Variants in TEF observed in about 807,000 individuals in gnomAD.
The protein encoded by TEF is thyrotroph embryonic factor.
Under a neutral mutation model 20.8 loss-of-function variants are expected in TEF, and 3 were observed. The ratio of observed to expected loss-of-function variants is 0.14; its 90% confidence interval spans 0.07 to 0.37. TEF has a LOEUF of 0.37. Among genes scored for constraint, TEF ranks in the 10% least tolerant of loss-of-function variants. The pLI, the probability that TEF is intolerant of heterozygous loss-of-function variation, is 1.00. For synonymous variants in TEF, 180 were observed against 171.1 expected, an observed-to-expected ratio of 1.05 and a Z score of -0.41; for missense variants, 296 against 397.9, an observed-to-expected ratio of 0.74 and a Z score of 2.18.
intron 1 of TEF, among the ~76,000 whole-genome samples, chr22:41,374,608 C>G (rs777239942): frequency 6.6e-6 from 1 of 151,060 alleles, no homozygotes; most frequent in African/African-American, 2.4e-5. Flanking sequence ...CCGAGCTACT[C>G]TGGAGGCTGG....
upstream of TEF, chr22:41,381,930 T>C (rs960606929): frequency 8.2e-6 from 10 of 1,223,888 alleles, no homozygotes; most frequent in African/African-American, 1.1e-4. Context: ...GGGGGCGCCA[T>C]TGGGCGCCTG....
chr22:41,375,606 C>T (rs967617608), intron 1 of TEF, among the ~76,000 whole-genome samples: 26 of 151,950 alleles, frequency 1.7e-4, no homozygotes, highest in Admixed American at 1.6e-3. Flanking sequence ...AAAAAATTAG[C>T]CGGGCTACTT....
intron 1 of TEF, among the ~76,000 whole-genome samples, chr22:41,370,282 T>C (rs1454668182): frequency 6.6e-6 from 1 of 151,102 alleles, no homozygotes; most frequent in Non-Finnish European, 1.5e-5. Flanking sequence ...GCCAGGCTAA[T>C]TTTTGTATTT....
rs1202657752 is a variant in TEF at position 41,394,159 on chromosome 22, A to T, written c.539A>T (p.Asp180Val). ...ATCGACCCCAATTGTGTGGAAGTGG[A>T]TGTGAACTTCAATCCGGACCCCGCC... ...SPIDPNCVEV[D>V]VNFNPDPADL... The change falls in exon 3 of 4, where the codon GAT (aspartate) becomes GTT (valine). Residue 180 changes from aspartate (D) to valine (V), a missense_variant. This residue lies in a region of TEF where 194 missense variants were observed against 317.8 expected (regional missense o/e 0.61). Transcript: ENST00000266304. 3 of 1,614,114 alleles carry T rather than the reference A, an allele frequency of 1.9e-6. No individual in the cohort carries two copies. The South Asian group carries it at 3.3e-5, about 18-fold the overall frequency.
At chr22:41,391,036 A>G (rs1480879566) in intron 2 of TEF, among the ~76,000 whole-genome samples, 3 of 152,124 alleles carry the variant, frequency 2.0e-5, no homozygotes, top group Non-Finnish European at 4.4e-5. Flanking sequence ...TCTTGCAGGT[A>G]CTAGGTTTGG....
In TEF at chr22:41,397,456, C is replaced by T. The variant is rs549786090; in HGVS notation, c.*1496C>T. On this transcript the variant is annotated 3_prime_UTR_variant, in exon 4 of 4. Transcript: ENST00000266304. ...GTGAAGAGGAGACAGAGGCGATGGG[C>T]GTGCTTCGTCCTCCGTAACACTGGC... The T allele has an allele frequency of 6.8e-5, 14 of 204,836 alleles. No individual in the cohort carries two copies. The South Asian group carries it at 2.3e-3, about 33-fold the overall frequency. 12.7% of individuals were successfully genotyped at this position (204,836 alleles called of 1,614,324 possible). A position where few individuals can be genotyped will look rare whatever the true frequency, so the allele number is the denominator to read the frequency against.
chr22:41,386,913 G>A (rs150751138), intron 1 of TEF, among the ~76,000 whole-genome samples: 2,878 of 151,962 alleles, frequency 0.019, 86 homozygotes, highest in African/African-American at 0.065. Context: ...GCATGGTGGT[G>A]CGTACCTGTA....
chr22:41,392,238 C>T (rs2037175212), intron 2 of TEF, among the ~76,000 whole-genome samples: 1 of 152,076 alleles, frequency 6.6e-6, no homozygotes, highest in African/African-American at 2.4e-5. Flanking sequence ...TAAATGGCAG[C>T]CAGGTGGGGC....
chr22:41,381,576 G>T (rs996283400), upstream of TEF, among the ~76,000 whole-genome samples: 1 of 152,234 alleles, frequency 6.6e-6, no homozygotes, highest in Non-Finnish European at 1.5e-5. Context: ...AGAGGGAGAG[G>T]CTGCGGTGGT....
At chr22:41,367,469 T>C in exon 1 of TEF, 3 of 1,501,350 alleles carry the variant, frequency 2.0e-6, no homozygotes, top group Non-Finnish European at 2.7e-6. Context: ...GCCTCTGAAC[T>C]CCCTGGAGCA....
At chr22:41,374,193 CCCAGGAGTTTGAGA>C (rs1267180447) in intron 1 of TEF, among the ~76,000 whole-genome samples, 2 of 151,920 alleles carry the variant, frequency 1.3e-5, no homozygotes, top group Non-Finnish European at 2.9e-5. Flanking sequence ...AGTGCTTGAG[CCCAGGAGTTTGAGA>C]CCAGCCTGAG....
intron 1 of TEF, among the ~76,000 whole-genome samples, chr22:41,383,600 A>G (rs377134677): frequency 1.9e-4 from 29 of 152,336 alleles, no homozygotes; most frequent in African/African-American, 6.3e-4. Flanking sequence ...TCACACAGCT[A>G]TAACTTTTGA....
At chr22:41,374,148 G>A (rs1488718008) in intron 1 of TEF, among the ~76,000 whole-genome samples, 2 of 152,078 alleles carry the variant, frequency 1.3e-5, no homozygotes, top group African/African-American at 4.8e-5. Context: ...GCTCACGTCT[G>A]TAATCCCAGC....
chr22:41,384,845 C>G (rs1177916202), intron 1 of TEF, among the ~76,000 whole-genome samples: 1 of 152,094 alleles, frequency 6.6e-6, no homozygotes, highest in Non-Finnish European at 1.5e-5. Flanking sequence ...CCTCCGCCTC[C>G]AAGGTTCAAG....
chr22:41,394,032 G>A, intron 2 of TEF, 64 bp from the exon 3 acceptor site: 3 of 1,473,524 alleles, frequency 2.0e-6, no homozygotes, highest in South Asian at 2.4e-5. Flanking sequence ...GTGTCTGGGT[G>A]TGTGGCGTGG....
upstream of TEF, among the ~76,000 whole-genome samples, chr22:41,378,254 C>T (rs2036970434): frequency 6.6e-6 from 1 of 151,120 alleles, no homozygotes; most frequent in South Asian, 2.1e-4. Flanking sequence ...CTGCAACCTC[C>T]GCCTCCCACG....
At chr22:41,393,566 C>G (rs890331806) in intron 2 of TEF, among the ~76,000 whole-genome samples, 1 of 152,018 alleles carries the variant, frequency 6.6e-6, no homozygotes, top group East Asian at 1.9e-4. Context: ...ACCATCCTGG[C>G]TAACACAGTA....
Position 41,395,745 on chromosome 22 carries a change from G to A in TEF, c.697G>A (p.Asp233Asn). The A allele has an allele frequency of 6.2e-7, 1 of 1,612,918 alleles. No homozygotes were observed. The highest frequency in any genetic ancestry group is 1.1e-5 in the South Asian group (1 of 91,074). ...ACTCACAGAGGGCACTTCCCCACAG[G>A]ATGAAAAGTACTGGACAAGACGCAA... ...KKVFVPDEQK[D>N]EKYWTRRKKN... The change falls in exon 4 of 4, where the codon GAT becomes AAT. Residue 233 changes from aspartate (D) to asparagine (N), a missense_variant and splice_region_variant. Asp to Asn is a conservative substitution (Grantham distance 23). This residue lies in a region of TEF where 194 missense variants were observed against 317.8 expected (regional missense o/e 0.61). Transcript: ENST00000266304.
At chr22:41,387,158 C>T (rs987786023) in intron 1 of TEF, among the ~76,000 whole-genome samples, 193 bp from the exon 2 acceptor site, 3 of 152,108 alleles carry the variant, frequency 2.0e-5, no homozygotes, top group South Asian at 2.1e-4. Context: ...GATGGGATGC[C>T]GTGTCTAAAG....
Sources: allele counts gnomAD v4.1 joint callset (sites outside exome capture counted in the v4.1 genomes callset), GRCh38; gene constraint gnomAD v4.1.1; regional missense constraint gnomAD v4.1.1; transcripts MANE v1.5; gene names NCBI Gene and HGNC (gene_info 2026-07-23, HGNC 2026-07-21).